KCNQ1: variants seen among roughly 807,000 people sequenced by gnomAD.
KCNQ1 encodes potassium voltage-gated channel subfamily KQT member 1.
Under a neutral mutation model 72.4 loss-of-function variants are expected in KCNQ1, and 49 were observed. That is an observed-to-expected ratio of 0.68 (90% CI 0.54 to 0.86). KCNQ1 has a LOEUF of 0.86. Ranked by LOEUF, KCNQ1 falls within the 40% of genes least tolerant of loss-of-function variation. The pLI is 0.00. For missense variants in KCNQ1, 790 were observed against 945.1 expected (o/e 0.84, Z 2.15); for synonymous variants, 450 against 412.6 (o/e 1.09, Z -1.10).
chr11:2,840,600 A>AGAT (rs1247342762), intron 15 of KCNQ1, among the ~76,000 whole-genome samples: 6 of 152,220 alleles, frequency 3.9e-5, no homozygotes, highest in Non-Finnish European at 8.8e-5. Context: ...ATAAAGGAAA[A>AGAT]GATGGATGGC....
At chr11:2,796,126 G>T (rs1054123602) in intron 15 of KCNQ1, among the ~76,000 whole-genome samples, 1 of 152,234 alleles carries the variant, frequency 6.6e-6, no homozygotes, top group Non-Finnish European at 1.5e-5. Flanking sequence ...GGCTTATGGC[G>T]CAATGCACTT....
chr11:2,847,662 C>T (rs1407103536), intron 15 of KCNQ1, 105 bp from the exon 16 acceptor site: 41 of 1,059,234 alleles, frequency 3.9e-5, no homozygotes, highest in Middle Eastern at 4.6e-4. Flanking sequence ...CTTGCAGAGA[C>T]GGTTGGCACC....
chr11:2,833,757 C>A (rs1848003166), intron 15 of KCNQ1, among the ~76,000 whole-genome samples: 1 of 152,234 alleles, frequency 6.6e-6, no homozygotes, highest in Non-Finnish European at 1.5e-5. Flanking sequence ...GGGGCAAGTG[C>A]CCCGAGACGG....
At position 2,592,404 on chromosome 11, in the gene KCNQ1, A is replaced by G. The variant is rs548214829; in HGVS notation, c.1393+3550A>G. Among the ~76,000 whole-genome samples the G allele has an allele frequency of 6.6e-6, 1 of 152,004 alleles. No individual in the cohort carries two copies. The highest frequency in any genetic ancestry group is 2.1e-4 in the South Asian group (1 of 4,796). On this transcript the variant is annotated intron_variant, in intron 10 of 15. Coordinates refer to ENST00000155840, the MANE Select transcript of KCNQ1 (RefSeq NM_000218.3). The surrounding 1 kb of genome is among the most constrained non-coding windows in gnomAD (Gnocchi z 5.2). ...GAACACAGACTAACCTGCAGCAAAA[A>G]TGGGCTGTGTGGTCCCTGTAGAGCA...
rs1849688624 is a variant in KCNQ1, at chr11:2,647,766, C to T, written c.1394-14195C>T. On this transcript the variant is annotated intron_variant, in intron 10 of 15. Transcript: ENST00000155840. This position sits in a 1 kb window ranked among gnomAD's most constrained non-coding sequence, Gnocchi z 4.0. The stretch of plus-strand genomic sequence containing the variant: ...AATTTATCTCTTTCCTCTAGGTTTT[C>T]TAATTGTTGACATATAGTTGTTCAT... The T allele has an allele frequency of 5.0e-6, 2 of 398,420 alleles. No homozygotes were observed. Among genetic ancestry groups the T allele is most frequent in the Non-Finnish European group, 8.8e-6 (2 of 226,030 alleles). 24.7% of individuals were successfully genotyped at this position (398,420 alleles called of 1,614,324 possible).
In KCNQ1 at chr11:2,720,889, C is replaced by T. The variant is rs188189724; in HGVS notation, c.1515-47955C>T. Among the ~76,000 whole-genome samples the T allele has an allele frequency of 4.7e-4, 72 of 152,176 alleles. No homozygotes were observed. Among genetic ancestry groups the T allele is most frequent in the African/African-American group, 1.7e-3 (69 of 41,506 alleles). ...TTGGGGCCTGGCCTGGACCTCGAGG[C>T]CACTGGGGACTTGGCTACCTGAGGG... On this transcript the variant is annotated intron_variant, in intron 11 of 15. Transcript: ENST00000155840. The surrounding 1 kb of genome is among the most constrained non-coding windows in gnomAD (Gnocchi z 5.1).
intron 10 of KCNQ1, chr11:2,646,531 A>G (rs1849668788): frequency 2.5e-6 from 1 of 398,262 alleles, no homozygotes; most frequent in Non-Finnish European, 4.4e-6. Flanking sequence ...TTTTTGGGGG[A>G]GGCAGGGGAG....
chr11:2,814,332 T>C (rs1847568508), intron 15 of KCNQ1, among the ~76,000 whole-genome samples: 3 of 149,864 alleles, frequency 2.0e-5, no homozygotes, highest in African/African-American at 7.4e-5. Context: ...GATGGGTGTG[T>C]GGGTGGGTGG....
rs1434752604 is a variant in KCNQ1 at position 2,713,083 on chromosome 11, G to A, written c.1514+51002G>A. The stretch of plus-strand genomic sequence containing the variant: ...GACTCCCCATGAAATTAACAACTTT[G>A]TGAAGCATTTGGTATTTGGGGGATT... On this transcript the variant is annotated intron_variant, in intron 11 of 15. Coordinates refer to ENST00000155840, the MANE Select transcript of KCNQ1 (RefSeq NM_000218.3). This position sits in a 1 kb window ranked among gnomAD's most constrained non-coding sequence, Gnocchi z 5.6. Among the ~76,000 whole-genome samples, 1 of 152,176 alleles carries A rather than the reference G, an allele frequency of 6.6e-6. No homozygotes were observed. Among genetic ancestry groups the A allele is most frequent in the Non-Finnish European group, 1.5e-5 (1 of 68,020 alleles).
chr11:2,530,132 C>T (rs1305476280), intron 2 of KCNQ1, among the ~76,000 whole-genome samples: 1 of 152,072 alleles, frequency 6.6e-6, no homozygotes, highest in Non-Finnish European at 1.5e-5. Context: ...GGGGTGAGGC[C>T]GTCCTTCCCC....
chr11:2,805,886 G>T (rs932806270), intron 15 of KCNQ1, among the ~76,000 whole-genome samples: 4 of 152,186 alleles, frequency 2.6e-5, no homozygotes, highest in African/African-American at 9.7e-5. Flanking sequence ...CTCCTTCCAG[G>T]ATTCTCTCCC....
Position 2,549,743 on chromosome 11 carries a change from G to A in KCNQ1, c.478-20885G>A, listed in dbSNP as rs1431687752. On this transcript the variant is annotated intron_variant, in intron 2 of 15. Transcript: ENST00000155840. The surrounding 1 kb of genome is among the most constrained non-coding windows in gnomAD (Gnocchi z 6.2). Reference sequence around the variant, plus strand: ...GGCCTGGTGTGGGGGTGCCTGGGGGGCAGTGGACGTGAGCAGCAGCACGTG... The same window carrying A: ...GGCCTGGTGTGGGGGTGCCTGGGGGACAGTGGACGTGAGCAGCAGCACGTG... Among the ~76,000 whole-genome samples, 2 of 152,098 alleles carry A rather than the reference G, an allele frequency of 1.3e-5. No homozygotes were observed. The highest frequency in any genetic ancestry group is 4.8e-5 in the African/African-American group (2 of 41,424).
intron 1 of KCNQ1, among the ~76,000 whole-genome samples, chr11:2,453,944 T>G (rs1014400349): frequency 1.2e-4 from 18 of 152,202 alleles, no homozygotes; most frequent in African/African-American, 4.1e-4. Flanking sequence ...ATTTATTTAA[T>G]TATTTTTTTC....
intron 15 of KCNQ1, among the ~76,000 whole-genome samples, chr11:2,833,833 C>T (rs910271735): frequency 1.2e-4 from 19 of 152,192 alleles, no homozygotes; most frequent in Non-Finnish European, 2.2e-4. Flanking sequence ...CCAGCACCAG[C>T]GCCAGGGGCC....
chr11:2,465,350 T>C (rs1194238095), intron 1 of KCNQ1, among the ~76,000 whole-genome samples: 3 of 152,256 alleles, frequency 2.0e-5, no homozygotes, highest in Non-Finnish European at 2.9e-5. Flanking sequence ...CTGGAAGCTC[T>C]TGGGCAGTGC....
rs1849865430 is a variant in KCNQ1 at position 2,657,198 on chromosome 11, T to G, written c.1394-4763T>G. On this transcript the variant is annotated intron_variant, in intron 10 of 15. Coordinates refer to ENST00000155840, the MANE Select transcript of KCNQ1 (RefSeq NM_000218.3). This position sits in a 1 kb window ranked among gnomAD's most constrained non-coding sequence, Gnocchi z 4.8. ...TCTTCTTCAAGAATATTGCCAATTC[T>G]TGGCTTTTTGCACTTCCAAGTCGCA... is the stretch of plus-strand genomic sequence containing the variant. 2.5e-6 allele frequency: 1 copy of G among 398,562 alleles called. No individual in the cohort carries two copies. The highest frequency in any genetic ancestry group is 4.4e-6 in the Non-Finnish European group (1 of 226,082). The allele number at this position is 398,562 out of a possible 1,614,324, so 24.7% of individuals were successfully genotyped here. A position where few individuals can be genotyped will look rare whatever the true frequency, so the allele number is the denominator to read the frequency against.
chr11:2,570,285 G>A (rs1384725056), intron 2 of KCNQ1, among the ~76,000 whole-genome samples: 3 of 151,410 alleles, frequency 2.0e-5, no homozygotes, highest in Non-Finnish European at 2.9e-5. Flanking sequence ...GGTTCCTGGC[G>A]TCGGACGCCC....
intron 2 of KCNQ1, among the ~76,000 whole-genome samples, chr11:2,548,634 G>A (rs1847933559): frequency 1.3e-5 from 2 of 152,334 alleles, no homozygotes; most frequent in South Asian, 2.1e-4. Context: ...TTCTTAAGGC[G>A]GTTTCATAGG....
rs1847906734 is a variant in KCNQ1, at chr11:2,546,690, G to A, written c.477+18672G>A. On this transcript the variant is annotated intron_variant, in intron 2 of 15. Coordinates refer to ENST00000155840, the MANE Select transcript of KCNQ1 (RefSeq NM_000218.3). Reference sequence around the variant, plus strand: ...TTTACATTCTTTATTTTTCATTTTTGTGGATACACAATAGTTGTACATATT... The same window carrying A: ...TTTACATTCTTTATTTTTCATTTTTATGGATACACAATAGTTGTACATATT... Among the ~76,000 whole-genome samples the A allele has an allele frequency of 2.0e-5, 3 of 149,186 alleles. No individual in the cohort carries two copies. In the South Asian group the frequency reaches 6.4e-4, roughly 32 times the overall value.
Sources: gnomAD v4.1 joint callset for allele counts (sites outside exome capture counted in the v4.1 genomes callset) on GRCh38, gnomAD v4.1.1 for gene constraint, Gnocchi (gnomAD v3.1) non-coding constraint, MANE v1.5 for transcripts, NCBI Gene and HGNC (gene_info 2026-07-23, HGNC 2026-07-21) for gene names.